The following XKR4 variants were observed in gnomAD, a reference collection of about 807,000 sequenced individuals.
XKR4 encodes the protein XK-related protein 4.
Under a neutral mutation model 53.9 loss-of-function variants are expected in XKR4, and 12 were observed. The ratio of observed to expected loss-of-function variants is 0.22; its 90% CI spans 0.14 to 0.36. The LOEUF (loss-of-function observed/expected upper bound fraction) is 0.36. Among genes scored for constraint, XKR4 ranks in the 10% least tolerant of loss-of-function variants. The pLI is 1.00. For synonymous variants in XKR4, 354 were observed against 362.4 expected (o/e 0.98, Z 0.26); for missense variants, 799 against 859.5 (o/e 0.93, Z 0.88).
chr8:55,279,697 G>C (rs1818809539), intron 1 of XKR4, among the ~76,000 whole-genome samples: 1 of 152,110 alleles, frequency 6.6e-6, no homozygotes, highest in East Asian at 1.9e-4. Flanking sequence ...GGTGCTCTGG[G>C]GACAGCTGTT....
intron 1 of XKR4, among the ~76,000 whole-genome samples, chr8:55,319,400 A>T (rs1324573912): frequency 6.6e-6 from 1 of 152,242 alleles, no homozygotes; most frequent in Non-Finnish European, 1.5e-5. Context: ...AATTCATTTC[A>T]TGTATCAAAT....
chr8:55,366,636 T>G (rs1363546192), intron 2 of XKR4, among the ~76,000 whole-genome samples: 1 of 152,236 alleles, frequency 6.6e-6, no homozygotes, highest in East Asian at 1.9e-4. Context: ...CCAGTATTCT[T>G]AACCTGATTT....
intron 1 of XKR4, among the ~76,000 whole-genome samples, chr8:55,106,948 A>G (rs2129350552): frequency 6.6e-6 from 1 of 152,270 alleles, no homozygotes; most frequent in Middle Eastern, 3.4e-3. Context: ...AGATTAAACA[A>G]AGTTAAACAG....
chr8:55,185,369 C>T (rs1817362365), intron 1 of XKR4, among the ~76,000 whole-genome samples: 1 of 152,162 alleles, frequency 6.6e-6, no homozygotes, highest in African/African-American at 2.4e-5. Flanking sequence ...TTTATTTCTT[C>T]TTAACTTCTT....
rs1405875898 is a variant in XKR4 at position 55,149,820 on chromosome 8, C to G, written c.806+46526C>G. On this transcript the variant is annotated intron_variant, in intron 1 of 2. Transcript: ENST00000327381. ...ACCTCATGAGCACCTTTCCTAGGAG[C>G]ATGTGGTGCTGGATCTAAGGAAACT... 4.6e-5 allele frequency among the ~76,000 whole-genome samples: 7 copies of G among 152,312 alleles called. 1 individual carries two copies. In the East Asian group the frequency reaches 1.2e-3, roughly 25 times the overall value.
chr8:55,198,819 A>C (rs1192997932), intron 1 of XKR4, among the ~76,000 whole-genome samples: 3 of 152,212 alleles, frequency 2.0e-5, no homozygotes, highest in African/African-American at 7.2e-5. Flanking sequence ...CATTAGGACA[A>C]GCATAACAAA....
chr8:55,426,627 A>AATGAATAAAT (rs1469773032), intron 2 of XKR4, among the ~76,000 whole-genome samples: 4 of 152,212 alleles, frequency 2.6e-5, no homozygotes, highest in African/African-American at 9.6e-5. Flanking sequence ...TAAACGAATG[A>AATGAATAAAT]ATGAATAAAT....
At chr8:55,280,473 G>T (rs1225054635) in intron 1 of XKR4, among the ~76,000 whole-genome samples, 2 of 152,188 alleles carry the variant, frequency 1.3e-5, no homozygotes, top group Admixed American at 6.5e-5. Context: ...GACTAGGAAA[G>T]GTGCTTCTGC....
intron 2 of XKR4, among the ~76,000 whole-genome samples, chr8:55,463,005 C>G (rs1054533761): frequency 8.5e-5 from 13 of 152,108 alleles, no homozygotes; most frequent in Admixed American, 2.6e-4. Context: ...AAGAGACTTA[C>G]ACTCCCACAC....
At chr8:55,187,609 T>C (rs536919130) in intron 1 of XKR4, among the ~76,000 whole-genome samples, 1 of 152,332 alleles carries the variant, frequency 6.6e-6, no homozygotes, top group South Asian at 2.1e-4. Context: ...ATAATAGCAC[T>C]TAAAAAATTA....
At chr8:55,504,463 C>A (rs191893187) in intron 2 of XKR4, among the ~76,000 whole-genome samples, 1 of 152,110 alleles carries the variant, frequency 6.6e-6, no homozygotes, top group African/African-American at 2.4e-5. Flanking sequence ...AATCTGCCCA[C>A]CTCAGCCTCC....
At chr8:55,283,060 T>A (rs1041559540) in intron 1 of XKR4, among the ~76,000 whole-genome samples, 1 of 152,200 alleles carries the variant, frequency 6.6e-6, no homozygotes, top group African/African-American at 2.4e-5. Context: ...TACAGGTGTG[T>A]AGCCTAGGAG....
chr8:55,489,694 AT>A (rs1230053595), intron 2 of XKR4, among the ~76,000 whole-genome samples: 1 of 152,122 alleles, frequency 6.6e-6, no homozygotes. Context: ...AAAATGAATT[AT>A]TTAAACATTT....
intron 2 of XKR4, among the ~76,000 whole-genome samples, chr8:55,382,597 C>T (rs1291086331): frequency 6.6e-6 from 1 of 152,098 alleles, no homozygotes; most frequent in Non-Finnish European, 1.5e-5. Flanking sequence ...AAAATCTCAA[C>T]TAGGTATTAA....
intron 1 of XKR4, among the ~76,000 whole-genome samples, chr8:55,151,369 C>G (rs922245450): frequency 3.9e-5 from 6 of 152,172 alleles, no homozygotes; most frequent in African/African-American, 1.4e-4. Flanking sequence ...ATTTCTATCA[C>G]CAACTTCATC....
At chr8:55,283,892 G>A (rs994953686) in intron 1 of XKR4, among the ~76,000 whole-genome samples, 1 of 152,156 alleles carries the variant, frequency 6.6e-6, no homozygotes, top group African/African-American at 2.4e-5. Flanking sequence ...AGTGGACAAA[G>A]GAAGCAATTG....
At chr8:55,464,018 T>C (rs1805712402) in intron 2 of XKR4, among the ~76,000 whole-genome samples, 1 of 152,024 alleles carries the variant, frequency 6.6e-6, no homozygotes, top group South Asian at 2.1e-4. Flanking sequence ...CAGGACCAGA[T>C]GGATTCACAG....
chr8:55,324,230 G>A (rs1382610275), intron 1 of XKR4, among the ~76,000 whole-genome samples: 1 of 152,042 alleles, frequency 6.6e-6, no homozygotes, highest in Non-Finnish European at 1.5e-5. Flanking sequence ...TGAGTAGCTG[G>A]GCCTACAGGG....
intron 2 of XKR4, among the ~76,000 whole-genome samples, chr8:55,478,217 C>A (rs1426004770): frequency 1.3e-5 from 2 of 152,128 alleles, no homozygotes; most frequent in African/African-American, 4.8e-5. Flanking sequence ...AGAAACTCTA[C>A]AAACCAGAAG....
Sources: allele counts gnomAD v4.1 joint callset (sites outside exome capture counted in the v4.1 genomes callset), GRCh38; gene constraint gnomAD v4.1.1; transcripts MANE v1.5; gene names NCBI Gene and HGNC (gene_info 2026-07-23, HGNC 2026-07-21).